The following ASAP1 variants were observed in gnomAD, a reference collection of about 807,000 sequenced individuals.
ASAP1 encodes ArfGAP with SH3 domain, ankyrin repeat and PH domain 1, also known as arf-GAP with SH3 domain, ANK repeat and PH domain-containing protein 1.
Under a neutral mutation model 145.2 loss-of-function variants are expected in ASAP1, and 43 were observed. That is an observed-to-expected ratio of 0.30 (90% confidence interval 0.23 to 0.38). The LOEUF (loss-of-function observed/expected upper bound fraction) is 0.38. ASAP1 is among the 10% of genes least tolerant of loss of function. ASAP1 has a pLI of 1.00. For synonymous variants in ASAP1, 546 were observed against 515.5 expected (o/e 1.06, Z -0.80); for missense variants, 1,018 against 1,355.3 (o/e 0.75, Z 3.91).
At chr8:130,085,058 T>G (rs936021531) in intron 25 of ASAP1, among the ~76,000 whole-genome samples, 1 of 152,196 alleles carries the variant, frequency 6.6e-6, no homozygotes, top group Non-Finnish European at 1.5e-5. Context: ...CCTGGGCTTC[T>G]GGAATGTTCT....
intron 3 of ASAP1, among the ~76,000 whole-genome samples, chr8:130,327,967 G>A (rs1824443702): frequency 6.6e-6 from 1 of 152,016 alleles, no homozygotes; most frequent in Non-Finnish European, 1.5e-5. Context: ...AATATAAAAG[G>A]AAATGGCAGT....
intron 27 of ASAP1, among the ~76,000 whole-genome samples, chr8:130,071,011 G>GGAGA (rs1230151527): frequency 0.11 from 1,229 of 11,420 alleles, 282 homozygotes; most frequent in East Asian, 0.36. Context: ...GGGGAGGGGG[G>GGAGA]GAGAGAGAGA....
chr8:130,438,322 T>C (rs552196843), intron 1 of ASAP1, among the ~76,000 whole-genome samples: 2 of 152,270 alleles, frequency 1.3e-5, no homozygotes, highest in East Asian at 3.9e-4. Context: ...GGCCCTCCAG[T>C]TGCTTCTTCC....
At chr8:130,296,508 CTTT>C (rs554026885) in intron 3 of ASAP1, among the ~76,000 whole-genome samples, 2 of 138,744 alleles carry the variant, frequency 1.4e-5, no homozygotes, top group Non-Finnish European at 3.1e-5. Flanking sequence ...TGCTACTTCC[CTTT>C]TTTTTTTTTT....
intron 12 of ASAP1, among the ~76,000 whole-genome samples, chr8:130,154,147 T>C (rs748260684): frequency 1.3e-5 from 2 of 152,186 alleles, no homozygotes; most frequent in East Asian, 1.9e-4. Context: ...GAATGCATCA[T>C]CATTTTTGGT....
intron 1 of ASAP1, among the ~76,000 whole-genome samples, chr8:130,412,674 T>G (rs1009552325): frequency 6.6e-6 from 1 of 151,608 alleles, no homozygotes; most frequent in African/African-American, 2.4e-5. Context: ...TTTTTTGAAA[T>G]GGAGTCTTGC....
intron 13 of ASAP1, among the ~76,000 whole-genome samples, chr8:130,138,919 G>A (rs1231895382): frequency 1.3e-5 from 2 of 151,548 alleles, no homozygotes; most frequent in Non-Finnish European, 2.9e-5. Flanking sequence ...CTGTAGCCAC[G>A]AAGCAGGCTT....
intron 5 of ASAP1, among the ~76,000 whole-genome samples, chr8:130,193,630 G>C (rs1815291672): frequency 1.3e-5 from 2 of 152,084 alleles, no homozygotes; most frequent in Admixed American, 6.6e-5. Flanking sequence ...TCAACTCTTT[G>C]TTCCAAATTA....
chr8:130,352,413 G>A (rs1288460951), intron 3 of ASAP1, among the ~76,000 whole-genome samples: 2 of 152,084 alleles, frequency 1.3e-5, no homozygotes, highest in Non-Finnish European at 2.9e-5. Context: ...GAAATCCTAT[G>A]CGTAAGATTT....
intron 2 of ASAP1, among the ~76,000 whole-genome samples, chr8:130,380,040 T>C (rs1158546356): frequency 1.3e-5 from 2 of 152,216 alleles, no homozygotes; most frequent in Non-Finnish European, 2.9e-5. Context: ...AGACATGTGC[T>C]GGAGGGACAG....
chr8:130,421,730 G>T (rs572433711), intron 1 of ASAP1, among the ~76,000 whole-genome samples: 10 of 152,194 alleles, frequency 6.6e-5, no homozygotes, highest in Admixed American at 3.9e-4. Context: ...CATGAAGAAG[G>T]AAAAACATTT....
chr8:130,376,554 C>T (rs938578389), intron 2 of ASAP1, among the ~76,000 whole-genome samples: 2 of 151,998 alleles, frequency 1.3e-5, no homozygotes, highest in African/African-American at 4.8e-5. Flanking sequence ...GGTGAAACCC[C>T]GTCGCTACTA....
At position 130,074,496 on chromosome 8, in the gene ASAP1, G is replaced by A. The variant is rs1025343368; in HGVS notation, c.2701+1852C>T. Among the ~76,000 whole-genome samples the A allele has an allele frequency of 1.2e-3, 181 of 147,920 alleles. 1 individual carries two copies. Among genetic ancestry groups the A allele is most frequent in the African/African-American group, 4.2e-3 (168 of 40,290 alleles). ...ACACACACACACACACAGAGAGAAC[G>A]AGAGTAGAGCAACGGGGTGGTGGTA... On this transcript the variant is annotated intron_variant, in intron 27 of 29. Coordinates refer to ENST00000518721, the MANE Select transcript of ASAP1 (RefSeq NM_018482.4).
Position 130,129,410 on chromosome 8 carries a change from C to T in ASAP1, c.1218-1320G>A, listed in dbSNP as rs150317926. 1.2e-3 allele frequency among the ~76,000 whole-genome samples: 180 copies of T among 152,206 alleles called. 1 individual carries two copies. Among genetic ancestry groups the T allele is most frequent in the African/African-American group, 3.9e-3 (161 of 41,528 alleles). On this transcript the variant is annotated intron_variant, in intron 15 of 29. Coordinates refer to ENST00000518721, the MANE Select transcript of ASAP1 (RefSeq NM_018482.4). ...GAAAACAACTGATAGAGGAATTGCC[C>T]GACTTTGTGCCTTTCTATAATTTTT...
At chr8:130,183,868 G>A (rs1345225865) in intron 7 of ASAP1, among the ~76,000 whole-genome samples, 2 of 152,048 alleles carry the variant, frequency 1.3e-5, no homozygotes, top group Non-Finnish European at 2.9e-5. Context: ...AGAGTCAAAC[G>A]CCATCCCAGG....
chr8:130,406,971 C>T (rs544083519), intron 1 of ASAP1, among the ~76,000 whole-genome samples: 4 of 152,276 alleles, frequency 2.6e-5, no homozygotes, highest in African/African-American at 7.2e-5. Flanking sequence ...ATTTTCCCAG[C>T]GCAACAATCT....
intron 13 of ASAP1, among the ~76,000 whole-genome samples, chr8:130,140,378 A>T (rs573380786): frequency 9.9e-5 from 15 of 151,778 alleles, no homozygotes; most frequent in South Asian, 4.2e-4. Context: ...TTTAAAAAAA[A>T]ACTTTTAGGT....
At chr8:130,399,954 G>T (rs1339363915) in intron 2 of ASAP1, among the ~76,000 whole-genome samples, 4 of 151,790 alleles carry the variant, frequency 2.6e-5, no homozygotes, top group Non-Finnish European at 5.9e-5. Context: ...CAAGTAGCTG[G>T]GATTACAGGC....
intron 6 of ASAP1, 94 bp downstream of exon 6, chr8:130,188,015 T>C (rs1246160014): frequency 2.3e-6 from 2 of 877,866 alleles, no homozygotes; most frequent in Non-Finnish European, 3.6e-6. Context: ...GTTCAAAGAG[T>C]CTTTCAAATA....
Sources: allele counts gnomAD v4.1 joint callset (sites outside exome capture counted in the v4.1 genomes callset), GRCh38; gene constraint gnomAD v4.1.1; transcripts MANE v1.5; gene names NCBI Gene and HGNC (gene_info 2026-07-23, HGNC 2026-07-21).